The following HS3ST5 variants were observed in gnomAD, a reference collection of about 807,000 sequenced individuals.
HS3ST5 encodes heparan sulfate-glucosamine 3-sulfotransferase 5.
In HS3ST5, 10 loss-of-function variants were observed where a neutral mutation model predicts 25.4. That is an observed-to-expected ratio of 0.39 (90% CI 0.24 to 0.67). HS3ST5 has a LOEUF of 0.67. HS3ST5 is among the 30% of genes least tolerant of loss of function. The probability of loss-of-function intolerance (pLI) is 0.44; values close to 1 mark genes in which losing one functional copy is unlikely to be tolerated. For missense variants in HS3ST5, 324 were observed against 420.7 expected (o/e 0.77, Z 2.01); for synonymous variants, 170 against 162.4 (o/e 1.05, Z -0.36).
chr6:114,234,915 G>A (rs955750827), intron 1 of HS3ST5, among the ~76,000 whole-genome samples: 1 of 152,120 alleles, frequency 6.6e-6, no homozygotes, highest in Non-Finnish European at 1.5e-5. Context: ...CTGAGGTCAG[G>A]AATTCAAGAC....
intron 1 of HS3ST5, among the ~76,000 whole-genome samples, chr6:114,333,740 G>A (rs1776498414): frequency 6.6e-6 from 1 of 151,834 alleles, no homozygotes; most frequent in Non-Finnish European, 1.5e-5. Flanking sequence ...CCGTCTCCCG[G>A]GTTTACGTAT....
intron 3 of HS3ST5, among the ~76,000 whole-genome samples, chr6:114,143,347 T>C (rs1260918787): frequency 6.6e-6 from 1 of 152,260 alleles, no homozygotes; most frequent in East Asian, 1.9e-4. Context: ...TTATCATTGT[T>C]AATAACACAT....
chr6:114,113,887 G>C (rs1007080776), intron 3 of HS3ST5, among the ~76,000 whole-genome samples: 18 of 152,006 alleles, frequency 1.2e-4, no homozygotes, highest in Admixed American at 3.9e-4. Flanking sequence ...AAAGTAGGAT[G>C]CCTGTGTATC....
intron 1 of HS3ST5, among the ~76,000 whole-genome samples, chr6:114,334,919 T>C (rs1776546853): frequency 6.6e-6 from 1 of 152,252 alleles, no homozygotes; most frequent in South Asian, 2.1e-4. Context: ...CCATTGCATA[T>C]ACATATGAAA....
intron 3 of HS3ST5, among the ~76,000 whole-genome samples, chr6:114,131,835 G>T (rs1249997260): frequency 6.6e-6 from 1 of 152,144 alleles, no homozygotes. Flanking sequence ...GTCACAATAA[G>T]CCTTGCTTGT....
chr6:114,297,890 G>A (rs1428873388), intron 1 of HS3ST5, among the ~76,000 whole-genome samples: 1 of 152,158 alleles, frequency 6.6e-6, no homozygotes, highest in East Asian at 1.9e-4. Context: ...ACTGGAACAT[G>A]CTTTTAGGAA....
chr6:114,114,988 T>C (rs1391410494), intron 3 of HS3ST5, among the ~76,000 whole-genome samples: 1 of 152,136 alleles, frequency 6.6e-6, no homozygotes, highest in Non-Finnish European at 1.5e-5. Flanking sequence ...TTCAGTATTT[T>C]TTCTGCAGCG....
intron 3 of HS3ST5, among the ~76,000 whole-genome samples, chr6:114,110,912 T>C (rs1008096840): frequency 1.3e-5 from 2 of 152,206 alleles, no homozygotes; most frequent in African/African-American, 2.4e-5. Context: ...TCAAAAAGCA[T>C]AGGGCAATTT....
chr6:114,090,250 G>A (rs1054356107), intron 3 of HS3ST5, among the ~76,000 whole-genome samples: 30 of 152,206 alleles, frequency 2.0e-4, no homozygotes, highest in Non-Finnish European at 4.0e-4. Flanking sequence ...TCTGTGTAAG[G>A]CAATTTGCTT....
intron 1 of HS3ST5, among the ~76,000 whole-genome samples, chr6:114,255,424 G>A (rs750843729): frequency 2.3e-4 from 35 of 152,056 alleles, no homozygotes; most frequent in Non-Finnish European, 1.6e-4. Flanking sequence ...CCAGGTGCAC[G>A]GTCAGCTGTT....
chr6:114,161,037 C>G (rs1319647425), intron 3 of HS3ST5, among the ~76,000 whole-genome samples: 2 of 152,098 alleles, frequency 1.3e-5, no homozygotes, highest in African/African-American at 4.8e-5. Context: ...TGGGATTGCT[C>G]TGTCAGGAGC....
intron 2 of HS3ST5, among the ~76,000 whole-genome samples, chr6:114,206,554 T>G (rs1781284560): frequency 6.6e-6 from 1 of 152,190 alleles, no homozygotes; most frequent in African/African-American, 2.4e-5. Context: ...ACTTGCTACA[T>G]ATGATTGAGC....
chr6:114,103,315 A>G (rs1422197399), intron 3 of HS3ST5, among the ~76,000 whole-genome samples: 1 of 152,048 alleles, frequency 6.6e-6, no homozygotes, highest in Non-Finnish European at 1.5e-5. Context: ...TGGGCAACAG[A>G]GCAAGACCTT....
chr6:114,177,752 A>G (rs1017388358), intron 2 of HS3ST5, among the ~76,000 whole-genome samples: 2 of 152,186 alleles, frequency 1.3e-5, no homozygotes, highest in Admixed American at 6.5e-5. Flanking sequence ...TTGAAAGGCT[A>G]TATTTATTTG....
chr6:114,093,074 G>T (rs1316756366), intron 3 of HS3ST5, among the ~76,000 whole-genome samples: 1 of 152,122 alleles, frequency 6.6e-6, no homozygotes, highest in African/African-American at 2.4e-5. Flanking sequence ...GTGAAGTCAG[G>T]ATTGTGGAAG....
intron 1 of HS3ST5, among the ~76,000 whole-genome samples, chr6:114,313,229 T>C (rs1421571409): frequency 6.6e-6 from 1 of 152,032 alleles, no homozygotes; most frequent in African/African-American, 2.4e-5. Context: ...ATGATGTGGA[T>C]GGAACGACTG....
At chr6:114,175,926 A>G (rs1229405365) in intron 2 of HS3ST5, among the ~76,000 whole-genome samples, 1 of 152,114 alleles carries the variant, frequency 6.6e-6, no homozygotes, top group African/African-American at 2.4e-5. Flanking sequence ...TTGTCTCTTT[A>G]GTATATTCTT....
At chr6:114,140,536 G>A (rs960733067) in intron 3 of HS3ST5, among the ~76,000 whole-genome samples, 1 of 152,188 alleles carries the variant, frequency 6.6e-6, no homozygotes, top group Non-Finnish European at 1.5e-5. Flanking sequence ...GCTTGTTATA[G>A]TGTTCTAAGA....
chr6:114,057,412 G>T lies in HS3ST5; in HGVS notation c.886C>A (p.Arg296=), dbSNP rs1207827920. Reference sequence around the variant, plus strand: ...CACTTATTAAAGATAATATTAAACCGCAAGCAGTAAAACCCTCTGGTAGCA... The same window carrying T: ...CACTTATTAAAGATAATATTAAACCTCAAGCAGTAAAACCCTCTGGTAGCA... The part of the protein sequence containing the change: ...FNATRGFYCL[R]FNIIFNKCLA... The change falls in exon 5 of 5, where the codon CGG becomes AGG. Residue 296 remains arginine (R), a synonymous_variant. Transcript: ENST00000312719. The T allele has an allele frequency of 1.2e-6, 2 of 1,613,964 alleles. No individual in the cohort carries two copies. Among genetic ancestry groups the T allele is most frequent in the East Asian group, 2.2e-5 (1 of 44,892 alleles).
Sources: gnomAD v4.1 joint callset for allele counts (sites outside exome capture counted in the v4.1 genomes callset) on GRCh38, gnomAD v4.1.1 for gene constraint, MANE v1.5 for transcripts, NCBI Gene and HGNC (gene_info 2026-07-23, HGNC 2026-07-21) for gene names.